The following CACNA1C variants were observed in gnomAD, a reference collection of about 807,000 sequenced individuals.
CACNA1C encodes the protein voltage-dependent L-type calcium channel subunit alpha-1C.
Under a neutral mutation model 229.0 loss-of-function variants are expected in CACNA1C, and 30 were observed. That is an observed-to-expected ratio of 0.13 (90% CI 0.10 to 0.18). The LOEUF (loss-of-function observed/expected upper bound fraction) is 0.18, where lower values mean the gene tolerates loss of function less well. Ranked by LOEUF, CACNA1C falls within the 10% of genes least tolerant of loss-of-function variation. The probability of loss-of-function intolerance (pLI) is 1.00; values close to 1 mark genes in which losing one functional copy is unlikely to be tolerated. For synonymous variants in CACNA1C, 1,114 were observed against 1,132.5 expected (o/e 0.98, Z 0.33); for missense variants, 1,658 against 2,845.0 (o/e 0.58, Z 9.49).
intron 6 of CACNA1C, among the ~76,000 whole-genome samples, chr12:2,491,615 A>C (rs1281965204): frequency 6.6e-6 from 1 of 151,140 alleles, no homozygotes; most frequent in Non-Finnish European, 1.5e-5. Context: ...GTGGGAGAGA[A>C]AGAGAGGAGA....
chr12:2,138,869 G>T (rs987750266), intron 3 of CACNA1C, among the ~76,000 whole-genome samples: 4 of 150,386 alleles, frequency 2.7e-5, no homozygotes, highest in Non-Finnish European at 5.9e-5. Flanking sequence ...CAATCCCCAA[G>T]GCCCAGACTT....
intron 13 of CACNA1C, among the ~76,000 whole-genome samples, chr12:2,572,572 C>T (rs1302397115): frequency 1.0e-5 from 1 of 96,460 alleles, no homozygotes; most frequent in East Asian, 3.7e-4. Flanking sequence ...TCTCCTCCTC[C>T]TTCTCCTCTC....
chr12:2,143,339 T>C (rs2094438024), intron 3 of CACNA1C, among the ~76,000 whole-genome samples: 1 of 151,182 alleles, frequency 6.6e-6, no homozygotes, highest in Admixed American at 6.7e-5. Context: ...TAGTGTCCTG[T>C]AATGTCCTAG....
rs759967086 is a variant in CACNA1C at position 2,601,814 on chromosome 12, A to G, written c.2854-40A>G. ...TGTGAGGGGTCTCTGGGCTAGGGCT[A>G]GGGCCACTCACACTGGTGTTCCTTT... On this transcript the variant is annotated intron_variant, in intron 21 of 46. Coordinates refer to ENST00000399655, the MANE Select transcript of CACNA1C (RefSeq NM_000719.7). This position sits in a 1 kb window ranked among gnomAD's most constrained non-coding sequence, Gnocchi z 5.9. 2.2e-6 allele frequency: 3 copies of G among 1,348,716 alleles called. No homozygotes were observed. The highest frequency in any genetic ancestry group is 3.2e-6 in the Non-Finnish European group (3 of 938,148). 83.5% of individuals were successfully genotyped at this position (1,348,716 alleles called of 1,614,324 possible). A position where few individuals can be genotyped will look rare whatever the true frequency, so the allele number is the denominator to read the frequency against.
chr12:2,083,236 A>G (rs901006937), intron 1 of CACNA1C, among the ~76,000 whole-genome samples: 1 of 152,250 alleles, frequency 6.6e-6, no homozygotes, highest in African/African-American at 2.4e-5. Context: ...CCTGGTGGAC[A>G]GATGGTGTCT....
intron 10 of CACNA1C, among the ~76,000 whole-genome samples, chr12:2,551,291 C>T (rs1414259117): frequency 1.3e-5 from 2 of 152,180 alleles, no homozygotes; most frequent in African/African-American, 4.8e-5. Context: ...TAGTACATTT[C>T]AGGAGAGCAT....
intron 3 of CACNA1C, among the ~76,000 whole-genome samples, chr12:2,245,501 G>A (rs1036432952): frequency 2.0e-5 from 3 of 152,196 alleles, no homozygotes; most frequent in African/African-American, 4.8e-5. Context: ...GGCTCAGAGC[G>A]GGTGGTCTAG....
chr12:2,419,181 C>A (rs753750681), intron 3 of CACNA1C, among the ~76,000 whole-genome samples: 1 of 152,122 alleles, frequency 6.6e-6, no homozygotes, highest in South Asian at 2.1e-4. Flanking sequence ...AAAGAGGTTT[C>A]GTTGGCTCAC....
At chr12:2,569,867 AAACTGTT>A (rs1434915163) in intron 13 of CACNA1C, among the ~76,000 whole-genome samples, 1 of 152,326 alleles carries the variant, frequency 6.6e-6, no homozygotes, top group African/African-American at 2.4e-5. Context: ...AGGAACTGTC[AAACTGTT>A]TTCCAAAGAG....
chr12:2,501,522 A>C (rs1306140965), intron 7 of CACNA1C, among the ~76,000 whole-genome samples: 2 of 152,240 alleles, frequency 1.3e-5, no homozygotes, highest in African/African-American at 4.8e-5. Context: ...ACCACTGCTA[A>C]GAATAGTCAA....
At chr12:2,090,246 C>G (rs1015844455) in intron 1 of CACNA1C, among the ~76,000 whole-genome samples, 1 of 149,822 alleles carries the variant, frequency 6.7e-6, no homozygotes, top group African/African-American at 2.5e-5. Context: ...ATCTGTCTTA[C>G]AGTGTGTGTC....
At chr12:2,453,993 C>T (rs1324555599) in intron 4 of CACNA1C, among the ~76,000 whole-genome samples, 1 of 152,230 alleles carries the variant, frequency 6.6e-6, no homozygotes, top group Non-Finnish European at 1.5e-5. Context: ...CAGAAGCCTC[C>T]TTCCACTGCA....
chr12:2,119,594 AG>A lies in CACNA1C; in HGVS notation c.372-730del, dbSNP rs778004768. ...ACCTTGGGCTGTCCCACTAGAGCCC[AG>A]CACACACCAAGGAAAAATCAGGAGG... On this transcript the variant is annotated intron_variant, in intron 2 of 46. Coordinates refer to ENST00000399655, the MANE Select transcript of CACNA1C (RefSeq NM_000719.7). 4.1e-4 allele frequency among the ~76,000 whole-genome samples: 62 copies of A among 152,368 alleles called. 2 individuals are homozygous for A. Among genetic ancestry groups the A allele is most frequent in the Middle Eastern group, 3.4e-3 (1 of 294 alleles).
rs550180649 is a variant in CACNA1C, at chr12:2,116,441, G to C, written c.371+896G>C. Among the ~76,000 whole-genome samples the C allele has an allele frequency of 2.5e-4, 37 of 150,620 alleles. No homozygotes were observed. The South Asian group carries it at 7.6e-3, about 31-fold the overall frequency. ...GGCTGGAGTGCAGTGGTGCCGTCTC[G>C]GCTCACTGCAAGCTCCTGGGTTCGC... On this transcript the variant is annotated intron_variant, in intron 2 of 46. Transcript: ENST00000399655.
At chr12:2,480,693 C>G (rs2099672408) in intron 5 of CACNA1C, among the ~76,000 whole-genome samples, 2 of 152,226 alleles carry the variant, frequency 1.3e-5, no homozygotes, top group Admixed American at 1.3e-4. Flanking sequence ...ACCCCCTAAA[C>G]CCAAACTTCT....
intron 3 of CACNA1C, among the ~76,000 whole-genome samples, chr12:2,308,866 G>T (rs2095256845): frequency 6.6e-6 from 1 of 152,148 alleles, no homozygotes; most frequent in South Asian, 2.1e-4. Context: ...GAAAACAAGG[G>T]AATCCTGCAG....
intron 3 of CACNA1C, among the ~76,000 whole-genome samples, chr12:2,126,165 CTGTT>C (rs768665671): frequency 6.2e-4 from 95 of 152,094 alleles, no homozygotes; most frequent in African/African-American, 2.1e-3. Flanking sequence ...AAATAAAAGT[CTGTT>C]TGTTGTATGC....
At chr12:2,471,936 C>T (rs1460804657) in intron 5 of CACNA1C, among the ~76,000 whole-genome samples, 4 of 152,240 alleles carry the variant, frequency 2.6e-5, no homozygotes, top group African/African-American at 9.6e-5. Flanking sequence ...GCCTAGGCCT[C>T]CCAGAGTGCT....
At chr12:1,982,320 A>G (rs991412802) in intron 1 of CACNA1C, among the ~76,000 whole-genome samples, 3 of 152,146 alleles carry the variant, frequency 2.0e-5, no homozygotes, top group South Asian at 2.1e-4. Flanking sequence ...ATCCATCTCC[A>G]GAACTTTTTC....
Sources: gnomAD v4.1 joint callset for allele counts (sites outside exome capture counted in the v4.1 genomes callset) on GRCh38, gnomAD v4.1.1 for gene constraint, Gnocchi (gnomAD v3.1) non-coding constraint, MANE v1.5 for transcripts, NCBI Gene and HGNC (gene_info 2026-07-23, HGNC 2026-07-21) for gene names.